Variants in GANC observed in about 807,000 individuals in gnomAD.
The protein encoded by GANC is neutral alpha-glucosidase C.
GANC carries 117 observed loss-of-function variants against 124.2 expected under a neutral mutation model. That is an observed-to-expected ratio of 0.94 (90% CI 0.81 to 1.10). GANC has a LOEUF of 1.10. GANC is among the 50% of genes least tolerant of loss of function. The probability of loss-of-function intolerance (pLI) is 0.00; values close to 1 mark genes in which losing one functional copy is unlikely to be tolerated. For missense variants in GANC, 1,140 were observed against 1,095.0 expected (o/e 1.04, Z -0.58); for synonymous variants, 377 against 376.8 (o/e 1.00, Z -0.01).
At chr15:42,316,302 G>A (rs538595259) in intron 10 of GANC, among the ~76,000 whole-genome samples, 1 of 152,288 alleles carries the variant, frequency 6.6e-6, no homozygotes, top group East Asian at 1.9e-4. Flanking sequence ...CTGGGCCCAG[G>A]GGACCACTAC....
Position 42,321,784 on chromosome 15 carries a change from G to A in GANC, c.1058-1G>A, listed in dbSNP as rs2052159297. The stretch of plus-strand genomic sequence containing the variant: ...ACTCAGTTGTCATCTCCCTCTTTTA[G>A]GCACACAAGCCATGCCCCCTCTTTT... On this transcript the variant is annotated splice_acceptor_variant, in intron 10 of 23. Transcript: ENST00000318010. LOFTEE classifies it high-confidence loss of function. 1 of 1,613,928 alleles carries A rather than the reference G, an allele frequency of 6.2e-7. No homozygotes were observed. The highest frequency in any genetic ancestry group is 2.2e-5 in the East Asian group (1 of 44,882).
intron 6 of GANC, among the ~76,000 whole-genome samples, chr15:42,300,545 C>A (rs1360395814): frequency 6.6e-6 from 1 of 152,156 alleles, no homozygotes; most frequent in Non-Finnish European, 1.5e-5. Context: ...TATAGTGAGT[C>A]CTCAAGGGTC....
At chr15:42,291,932 A>G (rs925372250) in intron 4 of GANC, among the ~76,000 whole-genome samples, 4 of 152,332 alleles carry the variant, frequency 2.6e-5, no homozygotes, top group African/African-American at 9.6e-5. Context: ...TCTTGCTTGA[A>G]GAGAAGGCAT....
chr15:42,302,804 A>G (rs1457777969), intron 6 of GANC, among the ~76,000 whole-genome samples: 3 of 150,900 alleles, frequency 2.0e-5, no homozygotes, highest in Non-Finnish European at 4.4e-5. Context: ...AAGATTAGAG[A>G]AAAAAAAATC....
rs1566950105 is a variant in GANC at position 42,287,723 on chromosome 15, AGG to A, written c.235_236del (p.Gly79LysfsTer6). On this transcript the variant is annotated frameshift_variant, in exon 4 of 24. Transcript: ENST00000318010. LOFTEE classifies it high-confidence loss of function. ...PLLAEIYGIEGNIFRLKINEE... is the reference protein window; with the variant it reads ...PLLAEIYGIEXNIFRLKINEE... ...TCCTGGCTGAAATTTATGGTATAGA[AGG>A]AAACATTTTCAGGCTTAAAATTAAT... The A allele has an allele frequency of 1.2e-6, 2 of 1,613,044 alleles. No homozygotes were observed. Among genetic ancestry groups the A allele is most frequent in the South Asian group, 2.2e-5 (2 of 91,026 alleles).
intron 3 of GANC, among the ~76,000 whole-genome samples, chr15:42,287,081 A>G (rs1156339122): frequency 6.6e-6 from 1 of 152,340 alleles, no homozygotes; most frequent in Admixed American, 6.5e-5. Context: ...GTCCCACGGT[A>G]GGCAGAATTT....
intron 13 of GANC, among the ~76,000 whole-genome samples, chr15:42,328,709 G>A (rs1039895329): frequency 6.6e-6 from 1 of 152,112 alleles, no homozygotes; most frequent in Non-Finnish European, 1.5e-5. Flanking sequence ...TCAGTCAAAC[G>A]CCAAAAGATA....
intron 11 of GANC, among the ~76,000 whole-genome samples, chr15:42,323,346 G>A (rs2052176122): frequency 6.6e-6 from 1 of 152,166 alleles, no homozygotes; most frequent in Non-Finnish European, 1.5e-5. Flanking sequence ...CTTACAGTGA[G>A]TGAAGAAAAG....
In GANC at chr15:42,277,218, G is replaced by T. The variant is rs189576753; in HGVS notation, c.92+808G>T. ...TCCCTCCATAGGAATTATACCATTT[G>T]TACTCCTATCAACATTATATAAGAT... On this transcript the variant is annotated intron_variant, in intron 2 of 23. Transcript: ENST00000318010. Among the ~76,000 whole-genome samples the T allele has an allele frequency of 1.1e-3, 162 of 152,258 alleles. 1 individual carries two copies. The highest frequency in any genetic ancestry group is 3.8e-3 in the African/African-American group (156 of 41,564).
Position 42,274,464 on chromosome 15 carries a change from C to T in GANC, c.-18C>T, listed in dbSNP as rs184522168. On this transcript the variant is annotated 5_prime_UTR_variant, in exon 1 of 24. Coordinates refer to ENST00000318010, the MANE Select transcript of GANC (RefSeq NM_198141.3). The stretch of plus-strand genomic sequence containing the variant: ...CTTGTCCTGAGAGCTGGGAGCTGGT[C>T]GGAGTGACAGAGAAGCCATGGAAGC... The T allele has an allele frequency of 3.7e-6, 6 of 1,609,326 alleles. No homozygotes were observed. Among genetic ancestry groups the T allele is most frequent in the South Asian group, 1.1e-5 (1 of 89,728 alleles).
At position 42,342,994 on chromosome 15, in the gene GANC, G is replaced by T. The variant is rs1013895854; in HGVS notation, c.2153-84G>T. 4.4e-6 allele frequency: 5 copies of T among 1,135,614 alleles called. No individual in the cohort carries two copies. The Admixed American group carries it at 7.4e-5, about 17-fold the overall frequency. The allele number at this position is 1,135,614 out of a possible 1,614,324, so 70.3% of individuals were successfully genotyped here. A position where few individuals can be genotyped will look rare whatever the true frequency, so the allele number is the denominator to read the frequency against. Reference sequence around the variant, plus strand: ...ACAGCTGGGAGGTCTGTAACACCATGATAGCTAGCACTCAGTTAAAGAGAA... The same window carrying T: ...ACAGCTGGGAGGTCTGTAACACCATTATAGCTAGCACTCAGTTAAAGAGAA... On this transcript the variant is annotated intron_variant, in intron 18 of 23. Transcript: ENST00000318010.
At chr15:42,330,343 A>G (rs777466831) in intron 14 of GANC, among the ~76,000 whole-genome samples, 26 of 152,170 alleles carry the variant, frequency 1.7e-4, no homozygotes, top group Non-Finnish European at 3.5e-4. Flanking sequence ...ATGCTAGATG[A>G]TTGTTTATTA....
At chr15:42,327,679 A>G (rs1043850067) in intron 13 of GANC, among the ~76,000 whole-genome samples, 2 of 152,210 alleles carry the variant, frequency 1.3e-5, no homozygotes, top group African/African-American at 4.8e-5. Context: ...ACTCTATGAT[A>G]TATCAAAGTA....
At position 42,285,396 on chromosome 15, in the gene GANC, AAAAG is replaced by A. The variant is rs535179456; in HGVS notation, c.202-2275_202-2272del. Among the ~76,000 whole-genome samples, 1,204 of 152,266 alleles carry A rather than the reference AAAAG, an allele frequency of 7.9e-3. 13 individuals carry two copies. Among genetic ancestry groups the A allele is most frequent in the African/African-American group, 0.027 (1,132 of 41,534 alleles). On this transcript the variant is annotated intron_variant, in intron 3 of 23. Transcript: ENST00000318010. ...GACTTCTGGGAGTCTGCTGATATTT[AAAAG>A]AAAGAAAGAAAGAAAGAAAAAACAC...
intron 4 of GANC, among the ~76,000 whole-genome samples, chr15:42,290,702 G>A (rs1417860926): frequency 6.6e-6 from 1 of 152,160 alleles, no homozygotes; most frequent in Admixed American, 6.5e-5. Flanking sequence ...TAGCTACTCA[G>A]GAGGCTGTGG....
In GANC at chr15:42,329,314, G is replaced by A. The variant is rs961869883; in HGVS notation, c.1509G>A (p.Thr503=). The change falls in exon 14 of 24, where the codon ACG becomes ACA. Residue 503 remains threonine, a synonymous_variant. Transcript: ENST00000318010. ...CAAGGTTTACTTCCTAGGGATCTAC[G>A]GACATCCTCTTCCTTTGGAATGACA... ...LFAFPVYQGS[T]DILFLWNDMN... is the part of the protein sequence containing the mutation. The A allele has an allele frequency of 1.5e-5, 24 of 1,613,072 alleles. No homozygotes were observed. Among genetic ancestry groups the A allele is most frequent in the African/African-American group, 4.0e-5 (3 of 74,868 alleles).
chr15:42,314,484 G>T, intron 10 of GANC: 2 of 262,458 alleles, frequency 7.6e-6, no homozygotes, highest in African/African-American at 2.3e-5. Flanking sequence ...TCCTTGGGTG[G>T]CTGTTTCACT....
At chr15:42,326,451 A>G in intron 12 of GANC, 27 bp downstream of exon 12, 1 of 1,613,506 alleles carries the variant, frequency 6.2e-7, no homozygotes, top group Non-Finnish European at 8.5e-7. Context: ...TACACTTATT[A>G]TTTCCACATG....
intron 6 of GANC, among the ~76,000 whole-genome samples, chr15:42,304,320 C>T (rs895058468): frequency 7.2e-5 from 11 of 152,108 alleles, no homozygotes; most frequent in Admixed American, 1.3e-4. Flanking sequence ...AGAACAAAAA[C>T]GCAATGTACC....
Sources: allele counts gnomAD v4.1 joint callset (sites outside exome capture counted in the v4.1 genomes callset), GRCh38; gene constraint gnomAD v4.1.1; transcripts MANE v1.5; gene names NCBI Gene and HGNC (gene_info 2026-07-23, HGNC 2026-07-21).